The following TFCP2L1 variants were observed in gnomAD, a reference collection of about 807,000 sequenced individuals.
TFCP2L1 encodes transcription factor CP2 like 1.
Under a neutral mutation model 72.2 loss-of-function variants are expected in TFCP2L1, and 12 were observed. The observed-to-expected ratio is 0.17, with a 90% CI of 0.11 to 0.27. The LOEUF is 0.27. Among genes scored for constraint, TFCP2L1 ranks in the 10% least tolerant of loss-of-function variants. TFCP2L1 has a pLI of 1.00. For missense variants in TFCP2L1, 488 were observed against 624.6 expected, an observed-to-expected ratio of 0.78 and a Z score of 2.33; for synonymous variants, 260 against 251.0, an observed-to-expected ratio of 1.04 and a Z score of -0.34.
At chr2:121,248,412 GGACGGAAAGCCT>G (rs1686534118) in intron 4 of TFCP2L1, 142 bp from the exon 5 acceptor site, 1 of 643,252 alleles carries the variant, frequency 1.6e-6, no homozygotes, top group Non-Finnish European at 2.6e-6. Flanking sequence ...ATAACTTACT[GGACGGAAAGCCT>G]GACCTGAACC....
chr2:121,268,112 T>C (rs1331764233), intron 2 of TFCP2L1, among the ~76,000 whole-genome samples: 1 of 152,188 alleles, frequency 6.6e-6, no homozygotes, highest in Non-Finnish European at 1.5e-5. Flanking sequence ...AGTCTGTCTC[T>C]CTAAAACAAA....
chr2:121,235,529 A>G (rs933746207), intron 10 of TFCP2L1, among the ~76,000 whole-genome samples: 1 of 150,580 alleles, frequency 6.6e-6, no homozygotes, highest in Non-Finnish European at 1.5e-5. Context: ...AGAAGCCAAT[A>G]GGTCCCCACT....
chr2:121,248,854 G>T, intron 4 of TFCP2L1, 128 bp downstream of exon 4: 2 of 585,248 alleles, frequency 3.4e-6, no homozygotes, highest in Non-Finnish European at 5.6e-6. Flanking sequence ...AGCTCCCGCG[G>T]GGTTTTACAC....
intron 12 of TFCP2L1, among the ~76,000 whole-genome samples, chr2:121,232,881 C>A (rs1686173990): frequency 6.6e-6 from 1 of 152,180 alleles, no homozygotes; most frequent in South Asian, 2.1e-4. Flanking sequence ...ATGCCACCGG[C>A]AACCCAGGGT....
intron 2 of TFCP2L1, among the ~76,000 whole-genome samples, chr2:121,270,771 G>C (rs138914261): frequency 0.012 from 1,792 of 152,160 alleles, 20 homozygotes; most frequent in Non-Finnish European, 0.018. Flanking sequence ...AGGAGGCTGA[G>C]GAGGGGAAAA....
intron 2 of TFCP2L1, among the ~76,000 whole-genome samples, chr2:121,279,516 C>T (rs964839990): frequency 6.6e-6 from 1 of 152,202 alleles, no homozygotes; most frequent in East Asian, 1.9e-4. Flanking sequence ...GCATCACCTT[C>T]CACTGCGGCC....
chr2:121,263,027 C>T (rs892927734), intron 2 of TFCP2L1, among the ~76,000 whole-genome samples: 1 of 152,208 alleles, frequency 6.6e-6, no homozygotes, highest in African/African-American at 2.4e-5. Context: ...CCCCCATCTC[C>T]GGGGTTCAAG....
chr2:121,247,044 T>A (rs2104700808), intron 5 of TFCP2L1, 74 bp from the exon 6 acceptor site: 1 of 1,565,510 alleles, frequency 6.4e-7, no homozygotes, highest in East Asian at 2.3e-5. Context: ...AAGCGCCCCC[T>A]CTATTGGAGG....
At chr2:121,254,324 T>C (rs562378999) in intron 2 of TFCP2L1, among the ~76,000 whole-genome samples, 2 of 152,180 alleles carry the variant, frequency 1.3e-5, no homozygotes, top group African/African-American at 2.4e-5. Context: ...CGTACTATAA[T>C]GTTTAAAATT....
intron 12 of TFCP2L1, 95 bp downstream of exon 12, chr2:121,233,996 C>T: frequency 5.4e-6 from 6 of 1,114,384 alleles, no homozygotes; most frequent in Non-Finnish European, 8.1e-6. Context: ...CTGTCCTGCA[C>T]ATTCACTGGA....
intron 2 of TFCP2L1, among the ~76,000 whole-genome samples, chr2:121,269,918 A>AAAAAAAAATATAT: frequency 2.6e-5 from 3 of 115,182 alleles, no homozygotes; most frequent in South Asian, 3.1e-4. Context: ...AAAAAAAAAA[A>AAAAAAAAATATAT]ATATATATAT....
chr2:121,233,191 C>T (rs2104670183), intron 12 of TFCP2L1, among the ~76,000 whole-genome samples: 1 of 152,100 alleles, frequency 6.6e-6, no homozygotes, highest in East Asian at 1.9e-4. Flanking sequence ...TGGGGGTGTG[C>T]ACTTTTCTTT....
intron 7 of TFCP2L1, chr2:121,240,746 A>G (rs534917086): frequency 1.0e-6 from 1 of 985,256 alleles, no homozygotes; most frequent in African/African-American, 1.7e-5. Flanking sequence ...TGGCACCAGC[A>G]CAGGCATGAA....
At chr2:121,233,108 A>G (rs13411608) in intron 12 of TFCP2L1, among the ~76,000 whole-genome samples, 2,890 of 152,288 alleles carry the variant, frequency 0.019, 106 homozygotes, top group African/African-American at 0.065. Context: ...TCTGGAGTCC[A>G]GGAGTTTCAG....
At position 121,237,367 on chromosome 2, in the gene TFCP2L1, G is replaced by A. The variant is rs1010401561; in HGVS notation, c.1003+256C>T. ...ACCAGAGCCCACCAACCCCCCGCAG[G>A]TGAGGAGATCTTGACCAAGTCACCC... On this transcript the variant is annotated intron_variant, in intron 10 of 14. Coordinates refer to ENST00000263707, the MANE Select transcript of TFCP2L1 (RefSeq NM_014553.3). Among the ~76,000 whole-genome samples, 6 of 152,214 alleles carry A rather than the reference G, an allele frequency of 3.9e-5. No homozygotes were observed. The East Asian group carries it at 9.6e-4, about 24-fold the overall frequency.
intron 12 of TFCP2L1, among the ~76,000 whole-genome samples, chr2:121,232,427 C>T (rs1686164363): frequency 6.6e-6 from 1 of 152,218 alleles, no homozygotes; most frequent in African/African-American, 2.4e-5. Context: ...GGATGAGCCA[C>T]TGCACCCAGC....
chr2:121,246,704 G>GA, intron 6 of TFCP2L1, 114 bp downstream of exon 6: 1 of 1,365,712 alleles, frequency 7.3e-7, no homozygotes, highest in South Asian at 1.3e-5. Context: ...GTGCTAAAGG[G>GA]ATGCTGCGTT....
chr2:121,244,198 G>A (rs568220333), intron 6 of TFCP2L1, among the ~76,000 whole-genome samples: 1 of 152,232 alleles, frequency 6.6e-6, no homozygotes, highest in South Asian at 2.1e-4. Flanking sequence ...CCTGCATGCA[G>A]GGCACGCACT....
chr2:121,246,931 C>T lies in TFCP2L1; in HGVS notation c.544G>A (p.Gly182Arg), dbSNP rs928172267. 2 of 1,614,144 alleles carry T rather than the reference C, an allele frequency of 1.2e-6. No homozygotes were observed. Among genetic ancestry groups the T allele is most frequent in the Non-Finnish European group, 1.7e-6 (2 of 1,180,018 alleles). ...ISTEFTPRKH[G>R]GEKGVPFRVQ... ...CGAAAGGGCACTCCCTTCTCGCCCC[C>T]GTGCTTCCTGGGGGTGAATTCTGTG... The change falls in exon 6 of 15, where the codon GGG becomes AGG. Residue 182 changes from glycine (G) to arginine (R), a missense_variant. By Grantham distance (125) the Gly-to-Arg change is moderately radical. Coordinates refer to ENST00000263707, the MANE Select transcript of TFCP2L1 (RefSeq NM_014553.3).
Sources: gnomAD v4.1 joint callset for allele counts (sites outside exome capture counted in the v4.1 genomes callset) on GRCh38, gnomAD v4.1.1 for gene constraint, MANE v1.5 for transcripts, NCBI Gene and HGNC (gene_info 2026-07-23, HGNC 2026-07-21) for gene names.